The following SYNJ2 variants were observed in gnomAD, a reference collection of about 807,000 sequenced individuals.
SYNJ2 encodes synaptojanin 2.
A neutral mutation model predicts 141.3 loss-of-function variants in SYNJ2; 116 were observed. That is an observed-to-expected ratio of 0.82 (90% CI 0.71 to 0.96). The LOEUF (loss-of-function observed/expected upper bound fraction) is 0.96. Among genes scored for constraint, SYNJ2 ranks in the 40% least tolerant of loss-of-function variants. SYNJ2 has a pLI of 0.00. For missense variants in SYNJ2, 1,873 were observed against 1,934.8 expected (o/e 0.97, Z 0.60); for synonymous variants, 745 against 777.7 (o/e 0.96, Z 0.70).
At chr6:158,063,986 C>T in intron 9 of SYNJ2, 114 bp downstream of exon 9, 3 of 1,074,338 alleles carry the variant, frequency 2.8e-6, no homozygotes, top group Non-Finnish European at 4.1e-6. Context: ...ACCAAGACAA[C>T]CTTCTGACTA....
In SYNJ2 at chr6:158,074,567, C is replaced by T; in HGVS notation, c.2134-13C>T. ...AGATGGGCTGAATGATTATGATTTT[C>T]TTTTCAACTTAGGGGAGAAATGTTT... is the stretch of plus-strand genomic sequence containing the variant. On this transcript the variant is annotated splice_polypyrimidine_tract_variant and intron_variant, in intron 15 of 26. Transcript: ENST00000355585. The T allele has an allele frequency of 6.2e-7, 1 of 1,607,438 alleles. No homozygotes were observed. The highest frequency in any genetic ancestry group is 8.5e-7 in the Non-Finnish European group (1 of 1,177,040).
intron 1 of SYNJ2, among the ~76,000 whole-genome samples, chr6:157,986,842 T>A (rs978356666): frequency 1.3e-5 from 2 of 152,212 alleles, no homozygotes; most frequent in African/African-American, 4.8e-5. Flanking sequence ...ATTTCACTTG[T>A]CCCTGTATTT....
At chr6:158,095,063 C>T (rs1448208752) in intron 26 of SYNJ2, among the ~76,000 whole-genome samples, 1 of 151,786 alleles carries the variant, frequency 6.6e-6, no homozygotes, top group African/African-American at 2.4e-5. Flanking sequence ...GCAGGAGAAT[C>T]GCTTGAACCT....
intron 6 of SYNJ2, among the ~76,000 whole-genome samples, chr6:158,056,560 G>A (rs139381597): frequency 8.1e-4 from 124 of 152,248 alleles, no homozygotes; most frequent in African/African-American, 2.8e-3. Flanking sequence ...CCCCTCATTC[G>A]AGATAACGTT....
Position 158,095,893 on chromosome 6 carries a change from C to A in SYNJ2, c.4020C>A (p.Ala1340=). Residue 1340 remains alanine, a synonymous_variant, in exon 27 of 27, where the codon GCC becomes GCA. Coordinates refer to ENST00000355585, the MANE Select transcript of SYNJ2 (RefSeq NM_003898.4). ...TACCCCCGAGGAGGAAGAAGTCAGC[C>A]CCCGCAGCCTTCCACCTGCAGGTCC... ...PKVPPRRKKS[A]PAAFHLQVLQ... is the part of the protein sequence containing the mutation. 1.2e-6 allele frequency: 2 copies of A among 1,614,106 alleles called. No individual in the cohort carries two copies. Among genetic ancestry groups the A allele is most frequent in the Non-Finnish European group, 1.7e-6 (2 of 1,180,012 alleles).
chr6:158,066,731 A>G (rs1781592171), intron 12 of SYNJ2, 96 bp downstream of exon 12: 1 of 1,411,426 alleles, frequency 7.1e-7, no homozygotes, highest in South Asian at 1.2e-5. Context: ...GTGGAATTTC[A>G]TCTTTGGTGT....
intron 26 of SYNJ2, chr6:158,093,738 G>A (rs1045288653): frequency 4.1e-5 from 25 of 603,364 alleles, no homozygotes; most frequent in African/African-American, 2.2e-4. Flanking sequence ...TTCTGGTACC[G>A]CCCATTTGCG....
chr6:158,005,361 G>A (rs1298935271), intron 1 of SYNJ2, among the ~76,000 whole-genome samples: 2 of 152,174 alleles, frequency 1.3e-5, no homozygotes, highest in African/African-American at 4.8e-5. Flanking sequence ...AGAGGCGTGA[G>A]CCACCACGCC....
At chr6:157,981,709 C>T (rs1777013009), upstream of SYNJ2, among the ~76,000 whole-genome samples, 1 of 151,792 alleles carries the variant, frequency 6.6e-6, no homozygotes, top group Admixed American at 6.6e-5. This position sits in a 1 kb window ranked among gnomAD's most constrained non-coding sequence, Gnocchi z 6.4. Flanking sequence ...CGCGGCCTCG[C>T]GCAGCTGCCT....
In SYNJ2 at chr6:158,043,331, G is replaced by T; in HGVS notation, c.727G>T (p.Asp243Tyr). The change falls in exon 5 of 27, where the codon GAT becomes TAT. Residue 243 changes from aspartate (D) to tyrosine (Y), a missense_variant. Physicochemically the swap from Asp to Tyr is radical, Grantham distance 160. Transcript: ENST00000355585. This position sits in a 1 kb window ranked among gnomAD's most constrained non-coding sequence, Gnocchi z 4.0. Reference sequence around the variant, plus strand: ...TGTGCCGCAGATGATTTACATGGACGATGGAGTGTCATCTTTTGTCCAGAT... The same window carrying T: ...TGTGCCGCAGATGATTTACATGGACTATGGAGTGTCATCTTTTGTCCAGAT... ...VETEQMIYMD[D>Y]GVSSFVQIRG... The T allele has an allele frequency of 6.2e-7, 1 of 1,614,018 alleles. No individual in the cohort carries two copies. Among genetic ancestry groups the T allele is most frequent in the East Asian group, 2.2e-5 (1 of 44,886 alleles).
At chr6:158,035,879 C>T (rs1583369482) in intron 4 of SYNJ2, among the ~76,000 whole-genome samples, 1 of 151,248 alleles carries the variant, frequency 6.6e-6, no homozygotes, top group East Asian at 1.9e-4. Flanking sequence ...AACAGACAAC[C>T]TACAGAATGG....
At chr6:158,006,221 A>G (rs867705472) in intron 1 of SYNJ2, among the ~76,000 whole-genome samples, 7 of 152,120 alleles carry the variant, frequency 4.6e-5, no homozygotes, top group Non-Finnish European at 7.4e-5. Flanking sequence ...ACACATGCGC[A>G]CACACGTATG....
In SYNJ2 at chr6:157,992,233, T is replaced by C. The variant is rs190363098; in HGVS notation, c.127+10145T>C. On this transcript the variant is annotated intron_variant, in intron 1 of 26. Transcript: ENST00000355585. The stretch of plus-strand genomic sequence containing the variant: ...TATTCATTCCTTTTATTTTTATTTG[T>C]TTTACTCATTAACCATCCCCACCTC... Among the ~76,000 whole-genome samples, 15 of 152,142 alleles carry C rather than the reference T, an allele frequency of 9.9e-5. No individual in the cohort carries two copies. The East Asian group carries it at 2.7e-3, about 27-fold the overall frequency.
intron 1 of SYNJ2, among the ~76,000 whole-genome samples, chr6:157,991,025 T>G (rs1338278098): frequency 6.6e-6 from 1 of 152,166 alleles, no homozygotes; most frequent in African/African-American, 2.4e-5. Context: ...AGTCTCTTTT[T>G]CAGCTGCAAA....
intron 5 of SYNJ2, among the ~76,000 whole-genome samples, chr6:158,047,501 G>T (rs983599344): frequency 6.6e-6 from 1 of 152,118 alleles, no homozygotes; most frequent in Non-Finnish European, 1.5e-5. Context: ...ATTTGGCTGG[G>T]CATGGGGGCT....
At chr6:158,048,293 G>GC in intron 5 of SYNJ2, among the ~76,000 whole-genome samples, 1 of 152,276 alleles carries the variant, frequency 6.6e-6, no homozygotes, top group South Asian at 2.1e-4. Context: ...TGAGGAAGAA[G>GC]CACTCAGGCA....
chr6:158,066,877 A>G (rs566683534), intron 12 of SYNJ2, among the ~76,000 whole-genome samples: 1 of 152,330 alleles, frequency 6.6e-6, no homozygotes, highest in South Asian at 2.1e-4. Flanking sequence ...CTCTTTGCAT[A>G]CAGTGATGGT....
At chr6:157,995,726 G>A (rs868362903) in intron 1 of SYNJ2, among the ~76,000 whole-genome samples, 3 of 152,216 alleles carry the variant, frequency 2.0e-5, no homozygotes, top group East Asian at 1.9e-4. Context: ...TGACACCTCC[G>A]TGAGCCGGGT....
intron 18 of SYNJ2, among the ~76,000 whole-genome samples, chr6:158,080,490 A>C (rs569904839): frequency 1.3e-3 from 193 of 150,314 alleles, no homozygotes; most frequent in Middle Eastern, 6.9e-3. Flanking sequence ...AAAAAAAAAA[A>C]AAAAAACGAG....
Sources: allele counts gnomAD v4.1 joint callset (sites outside exome capture counted in the v4.1 genomes callset), GRCh38; gene constraint gnomAD v4.1.1; non-coding constraint Gnocchi (gnomAD v3.1); transcripts MANE v1.5; gene names NCBI Gene and HGNC (gene_info 2026-07-23, HGNC 2026-07-21).